MSRA: variants seen among roughly 807,000 people sequenced by gnomAD.
The protein encoded by MSRA is mitochondrial peptide methionine sulfoxide reductase.
In MSRA, 54 loss-of-function variants were observed where a neutral mutation model predicts 31.3. The observed-to-expected ratio is 1.73, with a 90% CI of 1.39 to 2.17. The LOEUF is 2.17. Among genes scored for constraint, MSRA ranks in the 30% most tolerant of loss-of-function variants. The pLI is 0.00. For missense variants in MSRA, 507 were observed against 300.9 expected, an observed-to-expected ratio of 1.69 and a Z score of -5.07; for synonymous variants, 169 against 116.5, an observed-to-expected ratio of 1.45 and a Z score of -2.90.
chr8:10,259,776 C>G (rs1798374160), intron 3 of MSRA, among the ~76,000 whole-genome samples: 1 of 152,210 alleles, frequency 6.6e-6, no homozygotes, highest in South Asian at 2.1e-4. Context: ...TCCCGGACCT[C>G]AGCTTCCCTG....
intron 5 of MSRA, among the ~76,000 whole-genome samples, chr8:10,379,401 C>G (rs1037180664): frequency 2.0e-5 from 3 of 152,228 alleles, no homozygotes; most frequent in African/African-American, 7.2e-5. Flanking sequence ...TGTTCTGAAC[C>G]CGAGTCTTTT....
chr8:10,391,738 C>T (rs967686117), intron 5 of MSRA, among the ~76,000 whole-genome samples: 9 of 152,140 alleles, frequency 5.9e-5, no homozygotes, highest in African/African-American at 1.7e-4. Context: ...TCTGCCCTGC[C>T]GTAGGGTCCA....
rs536271809 is a variant in MSRA, at chr8:10,424,715, A to G, written c.544-3433A>G. On this transcript the variant is annotated intron_variant, in intron 5 of 5. Transcript: ENST00000317173. Reference sequence around the variant, plus strand: ...GGAGAGAAAGGCCTGGGGTGTTCTGATTCGGGGCCAGGGAGAGGCCCCCTC... The same window carrying G: ...GGAGAGAAAGGCCTGGGGTGTTCTGGTTCGGGGCCAGGGAGAGGCCCCCTC... Among the ~76,000 whole-genome samples, 14 of 152,284 alleles carry G rather than the reference A, an allele frequency of 9.2e-5. No individual in the cohort carries two copies. In the East Asian group the frequency reaches 1.4e-3, roughly 15 times the overall value.
chr8:10,271,650 C>G (rs902237679), intron 3 of MSRA, among the ~76,000 whole-genome samples: 1 of 149,412 alleles, frequency 6.7e-6, no homozygotes, highest in African/African-American at 2.5e-5. Flanking sequence ...ACAAAGGGCA[C>G]TGTTTCTTTT....
intron 3 of MSRA, among the ~76,000 whole-genome samples, chr8:10,254,105 C>G (rs1457967652): frequency 6.6e-6 from 1 of 151,894 alleles, no homozygotes; most frequent in Non-Finnish European, 1.5e-5. Flanking sequence ...AGAAGCTTTG[C>G]TTAATAAATC....
At chr8:10,306,617 CCTTAAGGCTT>C (rs1337136300) in intron 4 of MSRA, among the ~76,000 whole-genome samples, 1 of 152,106 alleles carries the variant, frequency 6.6e-6, no homozygotes, top group African/African-American at 2.4e-5. Context: ...TCAAAAGCCT[CCTTAAGGCTT>C]CTTCTCACAG....
chr8:10,283,826 TATATATATATACACAC>T (rs1209938207), intron 3 of MSRA, among the ~76,000 whole-genome samples: 9 of 68,414 alleles, frequency 1.3e-4, no homozygotes, highest in South Asian at 6.2e-4. Flanking sequence ...TATATATATA[TATATATATATACACAC>T]ACACACACAC....
At chr8:10,367,349 T>A (rs1196721494) in intron 5 of MSRA, among the ~76,000 whole-genome samples, 1 of 152,220 alleles carries the variant, frequency 6.6e-6, no homozygotes, top group Admixed American at 6.5e-5. Context: ...TGCGATAATC[T>A]CTTACTGTGC....
At chr8:10,138,845 T>A (rs1802480840) in intron 1 of MSRA, among the ~76,000 whole-genome samples, 1 of 152,168 alleles carries the variant, frequency 6.6e-6, no homozygotes, top group Non-Finnish European at 1.5e-5. Context: ...TGATTTGGAT[T>A]CACTCTTAAA....
At chr8:10,152,644 C>A (rs1190973082) in intron 1 of MSRA, among the ~76,000 whole-genome samples, 1 of 151,772 alleles carries the variant, frequency 6.6e-6, no homozygotes, top group African/African-American at 2.4e-5. Flanking sequence ...TACTTTTTTT[C>A]CCCCAAAAAA....
chr8:10,280,933 T>C lies in MSRA; in HGVS notation c.332-20601T>C, dbSNP rs972464706. On this transcript the variant is annotated intron_variant, in intron 3 of 5. Transcript: ENST00000317173. ...CATAGAGTGTATGATTCTATTTATT[T>C]GAAACGTCCAGAATAGGGAAAGCTG... Among the ~76,000 whole-genome samples the C allele has an allele frequency of 3.9e-5, 6 of 152,218 alleles. No individual in the cohort carries two copies. In the South Asian group the frequency reaches 8.3e-4, roughly 21 times the overall value.
chr8:10,248,144 G>T (rs2129084357), intron 3 of MSRA, among the ~76,000 whole-genome samples: 1 of 152,266 alleles, frequency 6.6e-6, no homozygotes, highest in East Asian at 1.9e-4. Flanking sequence ...AATTGCTGAG[G>T]TCCATTGTGG....
At chr8:10,362,864 G>T (rs1406700563) in intron 5 of MSRA, among the ~76,000 whole-genome samples, 1 of 150,030 alleles carries the variant, frequency 6.7e-6, no homozygotes, top group African/African-American at 2.5e-5. Flanking sequence ...TTCCCTCCTG[G>T]CCCCAGCTCT....
chr8:10,360,000 T>C (rs1439986704), intron 5 of MSRA, among the ~76,000 whole-genome samples: 1 of 152,216 alleles, frequency 6.6e-6, no homozygotes, highest in African/African-American at 2.4e-5. Flanking sequence ...ATCTCTGTTA[T>C]TTCTATCTGC....
At chr8:10,389,779 A>T (rs1212838973) in intron 5 of MSRA, among the ~76,000 whole-genome samples, 3 of 98,286 alleles carry the variant, frequency 3.1e-5, no homozygotes, top group African/African-American at 3.6e-5. Context: ...TTTTTTCCCC[A>T]GAAACTTACT....
chr8:10,374,789 G>A (rs531538524), intron 5 of MSRA, among the ~76,000 whole-genome samples: 9 of 152,170 alleles, frequency 5.9e-5, no homozygotes, highest in Non-Finnish European at 7.4e-5. Context: ...ATGTTGAAAT[G>A]TGACCTCCGA....
intron 3 of MSRA, among the ~76,000 whole-genome samples, chr8:10,275,377 A>T (rs1799269026): frequency 6.6e-6 from 1 of 152,208 alleles, no homozygotes; most frequent in Non-Finnish European, 1.5e-5. Context: ...CCTTAGTCCA[A>T]GCCTTGTGTA....
rs764810212 is a variant in MSRA at position 10,054,492 on chromosome 8, A to C, written c.-25A>C. On this transcript the variant is annotated 5_prime_UTR_variant, in exon 1 of 6. Coordinates refer to ENST00000317173, the MANE Select transcript of MSRA (RefSeq NM_012331.5). Reference sequence around the variant, plus strand: ...GCTGCCGGTAGCGCCGTCCCCCGGGACCACCCTTCGGCTGGCGCCCTCCCA... The same window carrying C: ...GCTGCCGGTAGCGCCGTCCCCCGGGCCCACCCTTCGGCTGGCGCCCTCCCA... 8 of 1,544,286 alleles carry C rather than the reference A, an allele frequency of 5.2e-6. No individual in the cohort carries two copies. The South Asian group carries it at 9.3e-5, about 18-fold the overall frequency.
chr8:10,310,624 C>A (rs1801383657), intron 4 of MSRA, among the ~76,000 whole-genome samples: 1 of 152,194 alleles, frequency 6.6e-6, no homozygotes, highest in African/African-American at 2.4e-5. Flanking sequence ...CCATTTGCTC[C>A]TTAAAGCAAC....
Sources: gnomAD v4.1 joint callset for allele counts (sites outside exome capture counted in the v4.1 genomes callset) on GRCh38, gnomAD v4.1.1 for gene constraint, MANE v1.5 for transcripts, NCBI Gene and HGNC (gene_info 2026-07-23, HGNC 2026-07-21) for gene names.